PRKG2: variants seen among roughly 807,000 people sequenced by gnomAD.
PRKG2 encodes cGMP-dependent protein kinase 2.
Under a neutral mutation model 97.2 loss-of-function variants are expected in PRKG2, and 33 were observed. The ratio of observed to expected loss-of-function variants is 0.34; its 90% confidence interval spans 0.26 to 0.45. The LOEUF (loss-of-function observed/expected upper bound fraction) is 0.45. PRKG2 is among the 20% of genes least tolerant of loss of function. PRKG2 has a pLI of 1.00. For missense variants in PRKG2, 638 were observed against 900.0 expected, an observed-to-expected ratio of 0.71 and a Z score of 3.73; for synonymous variants, 330 against 321.8, an observed-to-expected ratio of 1.03 and a Z score of -0.27.
rs1173754885 is a variant in PRKG2 at position 81,142,940 on chromosome 4, T to C, written c.1261A>G (p.Met421Val). 1.9e-6 allele frequency: 3 copies of C among 1,609,072 alleles called. 1 individual carries two copies. Among genetic ancestry groups the C allele is most frequent in the Admixed American group, 1.7e-5 (1 of 59,738 alleles). The change falls in exon 11 of 19, where the codon ATG (methionine) becomes GTG (valine). Residue 421 changes from methionine to valine, a missense_variant. Physicochemically the swap from Met to Val is conservative, Grantham distance 21. Transcript: ENST00000264399. ...DDEKRHAKRSMSNWKLSKALS... is the reference protein window; with the variant it reads ...DDEKRHAKRSVSNWKLSKALS... ...GCTTTGGACAGCTTCCAGTTAGACA[T>C]GGACCGCCTGTACAAGAGAAGTGAA...
intron 12 of PRKG2, among the ~76,000 whole-genome samples, chr4:81,139,781 CAAAAAA>C (rs548249378): frequency 1.3e-5 from 1 of 75,330 alleles, no homozygotes. Context: ...TCTCAAAAGA[CAAAAAA>C]AAAAAAAAAA....
intron 1 of PRKG2, among the ~76,000 whole-genome samples, chr4:81,210,704 T>C (rs1390282373): frequency 3.9e-5 from 6 of 152,198 alleles, no homozygotes; most frequent in Non-Finnish European, 8.8e-5. Context: ...CTTCTTGGTA[T>C]CTACCCAACT....
intron 2 of PRKG2, among the ~76,000 whole-genome samples, chr4:81,196,725 T>C (rs910583597): frequency 6.6e-6 from 1 of 151,422 alleles, no homozygotes; most frequent in Non-Finnish European, 1.5e-5. Flanking sequence ...ATATAAAATA[T>C]AAAATATTCT....
intron 15 of PRKG2, among the ~76,000 whole-genome samples, chr4:81,108,011 C>T (rs1743524156): frequency 6.6e-6 from 1 of 151,914 alleles, no homozygotes; most frequent in South Asian, 2.1e-4. Context: ...TCGAGACCAG[C>T]CTGGCCAACA....
At chr4:81,153,415 A>G (rs1162855437) in intron 7 of PRKG2, 1 of 403,124 alleles carries the variant, frequency 2.5e-6, no homozygotes, top group Non-Finnish European at 4.5e-6. Context: ...CTCCCCAAAA[A>G]ATCAAGTGAC....
At chr4:81,115,761 T>C (rs928072980) in intron 14 of PRKG2, among the ~76,000 whole-genome samples, 8 of 152,226 alleles carry the variant, frequency 5.3e-5, no homozygotes, top group Admixed American at 4.6e-4. Context: ...GTCTGAGATA[T>C]ACTGTCTAGC....
chr4:81,139,483 A>G (rs185009765), intron 12 of PRKG2, among the ~76,000 whole-genome samples: 1 of 152,236 alleles, frequency 6.6e-6, no homozygotes, highest in African/African-American at 2.4e-5. Context: ...AAGAATAAAA[A>G]CAGGCTGGGC....
At chr4:81,089,970 C>T (rs1295506021) in intron 18 of PRKG2, among the ~76,000 whole-genome samples, 167 bp from the exon 19 acceptor site, 1 of 152,168 alleles carries the variant, frequency 6.6e-6, no homozygotes, top group African/African-American at 2.4e-5. Context: ...CTAGTCTCAG[C>T]CTCATGAGAT....
chr4:81,172,800 T>C (rs1486254437), intron 3 of PRKG2, among the ~76,000 whole-genome samples: 6 of 152,134 alleles, frequency 3.9e-5, no homozygotes, highest in African/African-American at 1.2e-4. Context: ...CATCCCTTCA[T>C]TCAGCAAAAC....
intron 14 of PRKG2, among the ~76,000 whole-genome samples, 199 bp from the exon 15 acceptor site, chr4:81,110,810 C>T (rs943936302): frequency 6.7e-6 from 1 of 149,426 alleles, no homozygotes; most frequent in Non-Finnish European, 1.5e-5. Context: ...GAGACCACCT[C>T]GTGTATTCCT....
intron 6 of PRKG2, among the ~76,000 whole-genome samples, 187 bp from the exon 7 acceptor site, chr4:81,153,908 G>A (rs111961531): frequency 0.096 from 14,561 of 152,092 alleles, 938 homozygotes; most frequent in Middle Eastern, 0.19. Flanking sequence ...CAGTGGGTGC[G>A]CGCACCGTGC....
At chr4:81,171,540 TA>T in intron 4 of PRKG2, 150 bp downstream of exon 4, 1 of 531,080 alleles carries the variant, frequency 1.9e-6, no homozygotes, top group Non-Finnish European at 3.1e-6. Flanking sequence ...TGCTTCAGTA[TA>T]AATCCCTTAA....
At position 81,171,679 on chromosome 4, in the gene PRKG2, C is replaced by T; in HGVS notation, c.742+12G>A. On this transcript the variant is annotated intron_variant, in intron 4 of 18. Coordinates refer to ENST00000264399, the MANE Select transcript of PRKG2 (RefSeq NM_006259.3). ...CAACAATTCAAAGATGGAGCATTTC[C>T]TCTTTTATTACCTTTCACAGAGGCA... 6.4e-7 allele frequency: 1 copy of T among 1,568,056 alleles called. No homozygotes were observed. Among genetic ancestry groups the T allele is most frequent in the Non-Finnish European group, 8.7e-7 (1 of 1,150,578 alleles).
intron 12 of PRKG2, among the ~76,000 whole-genome samples, chr4:81,139,580 A>G (rs1321241407): frequency 6.6e-6 from 1 of 151,528 alleles, no homozygotes; most frequent in Non-Finnish European, 1.5e-5. Context: ...GTCCTGGCTA[A>G]CACGGTGAAA....
chr4:81,169,642 C>T (rs1750286639), intron 5 of PRKG2, 21 bp downstream of exon 5: 3 of 1,508,960 alleles, frequency 2.0e-6, no homozygotes, highest in Non-Finnish European at 2.7e-6. Context: ...TCTTCACTGT[C>T]TCCCAATGTA....
chr4:81,207,394 T>G (rs1452709099), intron 1 of PRKG2, among the ~76,000 whole-genome samples: 1 of 152,172 alleles, frequency 6.6e-6, no homozygotes, highest in African/African-American at 2.4e-5. Flanking sequence ...AACTTTCAAA[T>G]CTAATATTAA....
intron 14 of PRKG2, among the ~76,000 whole-genome samples, chr4:81,130,752 C>T (rs1746092806): frequency 6.6e-6 from 1 of 152,134 alleles, no homozygotes; most frequent in Non-Finnish European, 1.5e-5. Context: ...CAGCAGCCTC[C>T]ACCAACTTCC....
At chr4:81,124,477 T>C (rs1745363299) in intron 14 of PRKG2, among the ~76,000 whole-genome samples, 1 of 152,170 alleles carries the variant, frequency 6.6e-6, no homozygotes, top group Non-Finnish European at 1.5e-5. Context: ...CAAGTGCTAG[T>C]GTGTGACTTT....
chr4:81,121,367 G>C (rs552343162), intron 14 of PRKG2, among the ~76,000 whole-genome samples: 2 of 152,102 alleles, frequency 1.3e-5, no homozygotes, highest in Non-Finnish European at 2.9e-5. Flanking sequence ...ACATGGTAGA[G>C]AATCAGTATA....
Sources: allele counts gnomAD v4.1 joint callset (sites outside exome capture counted in the v4.1 genomes callset), GRCh38; gene constraint gnomAD v4.1.1; transcripts MANE v1.5; gene names NCBI Gene and HGNC (gene_info 2026-07-23, HGNC 2026-07-21).